The following ABLIM2 variants were observed in gnomAD, a reference collection of about 807,000 sequenced individuals.
The protein encoded by ABLIM2 is actin binding LIM protein family member 2.
ABLIM2 carries 53 observed loss-of-function variants against 97.7 expected under a neutral mutation model. The observed-to-expected ratio is 0.54, with a 90% CI of 0.44 to 0.68. ABLIM2 has a LOEUF of 0.68. Ranked by LOEUF, ABLIM2 falls within the 30% of genes least tolerant of loss-of-function variation. ABLIM2 has a pLI of 0.00. For missense variants in ABLIM2, 835 were observed against 867.2 expected (o/e 0.96, Z 0.47); for synonymous variants, 361 against 345.8 (o/e 1.04, Z -0.49).
chr4:8,037,285 C>G (rs866987956), intron 9 of ABLIM2, among the ~76,000 whole-genome samples: 2 of 151,808 alleles, frequency 1.3e-5, no homozygotes, highest in Non-Finnish European at 2.9e-5. Flanking sequence ...CACACACATA[C>G]GCACACATGC....
intron 11 of ABLIM2, among the ~76,000 whole-genome samples, chr4:8,028,604 C>G (rs990928591): frequency 1.1e-4 from 16 of 152,360 alleles, no homozygotes; most frequent in Admixed American, 9.8e-4. Context: ...TTCACTCACT[C>G]ACTCATTCCC....
intron 6 of ABLIM2, among the ~76,000 whole-genome samples, chr4:8,064,096 A>G (rs1177118801): frequency 2.6e-5 from 4 of 152,254 alleles, no homozygotes; most frequent in Admixed American, 6.5e-5. Flanking sequence ...TGCGTTAGAG[A>G]TAATAAAAAC....
rs73075919 is a variant in ABLIM2 at position 8,095,440 on chromosome 4, T to C, written c.338+1659A>G. Among the ~76,000 whole-genome samples the C allele has an allele frequency of 0.042, 6,342 of 152,254 alleles. 412 individuals carry two copies. The highest frequency in any genetic ancestry group is 0.14 in the African/African-American group (5,641 of 41,506). On this transcript the variant is annotated intron_variant, in intron 3 of 20. Coordinates refer to ENST00000447017, the MANE Select transcript of ABLIM2 (RefSeq NM_001130083.2). This position sits in a 1 kb window ranked among gnomAD's most constrained non-coding sequence, Gnocchi z 4.7. Reference sequence around the variant, plus strand: ...GTTTTGATTGGACACTGAACACTTATAAATTTTACGTTGTTGAATGCTGGA... The same window carrying C: ...GTTTTGATTGGACACTGAACACTTACAAATTTTACGTTGTTGAATGCTGGA...
rs1194991164 is a variant in ABLIM2 at position 8,148,152 on chromosome 4, G to A, written c.10+10528C>T. On this transcript the variant is annotated intron_variant, in intron 1 of 20. Coordinates refer to ENST00000447017, the MANE Select transcript of ABLIM2 (RefSeq NM_001130083.2). This position sits in a 1 kb window ranked among gnomAD's most constrained non-coding sequence, Gnocchi z 6.7. Reference sequence around the variant, plus strand: ...CCCCGGCAGAGAAGGGGTTTGGAGTGGCAGGAGGCAGGGGCAGAGGGAGAA... The same window carrying A: ...CCCCGGCAGAGAAGGGGTTTGGAGTAGCAGGAGGCAGGGGCAGAGGGAGAA... Among the ~76,000 whole-genome samples the A allele has an allele frequency of 3.3e-5, 5 of 152,222 alleles. No homozygotes were observed. Among genetic ancestry groups the A allele is most frequent in the African/African-American group, 2.4e-5 (1 of 41,458 alleles).
At chr4:8,106,065 CAGTGCTACTTCGGGT>C (rs1024778376) in intron 2 of ABLIM2, among the ~76,000 whole-genome samples, 1 of 152,202 alleles carries the variant, frequency 6.6e-6, no homozygotes, top group African/African-American at 2.4e-5. Context: ...GTAGTGTTCG[CAGTGCTACTTCGGGT>C]GGGGGTCCCC....
Position 7,998,617 on chromosome 4 carries a change from A to T in ABLIM2, c.1619-5690T>A, listed in dbSNP as rs762444980. On this transcript the variant is annotated intron_variant, in intron 16 of 20. Transcript: ENST00000447017. The surrounding 1 kb of genome is among the most constrained non-coding windows in gnomAD (Gnocchi z 6.4). ...CGGGGTGCCTGCTGGCCACCTGCCCATCTGCTAGTGTGGCTGCAGGAGGAA... is the reference window on the plus strand; with the variant it reads ...CGGGGTGCCTGCTGGCCACCTGCCCTTCTGCTAGTGTGGCTGCAGGAGGAA... 2.0e-6 allele frequency: 1 copy of T among 502,066 alleles called. No individual in the cohort carries two copies. The highest frequency in any genetic ancestry group is 2.0e-5 in the Admixed American group (1 of 49,438). The allele number at this position is 502,066 out of a possible 1,614,324, so 31.1% of individuals were successfully genotyped here. A position where few individuals can be genotyped will look rare whatever the true frequency, so the allele number is the denominator to read the frequency against.
At position 8,062,935 on chromosome 4, in the gene ABLIM2, T is replaced by A. The variant is rs372134475; in HGVS notation, c.676-1881A>T. Among the ~76,000 whole-genome samples, 202 of 152,264 alleles carry A rather than the reference T, an allele frequency of 1.3e-3. 2 individuals are homozygous for A. The highest frequency in any genetic ancestry group is 3.9e-3 in the African/African-American group (161 of 41,556). On this transcript the variant is annotated intron_variant, in intron 6 of 20. Coordinates refer to ENST00000447017, the MANE Select transcript of ABLIM2 (RefSeq NM_001130083.2). ...CAGGTGCCCCCACTTCACACTGACTTCCTCTAACAGCAGGAGTTCTGTGAC... is the reference window on the plus strand; with the variant it reads ...CAGGTGCCCCCACTTCACACTGACTACCTCTAACAGCAGGAGTTCTGTGAC...
rs1790779354 is a variant in ABLIM2 at position 8,044,376 on chromosome 4, C to T, written c.900+788G>A. 6.6e-6 allele frequency among the ~76,000 whole-genome samples: 1 copy of T among 151,508 alleles called. No homozygotes were observed. The highest frequency in any genetic ancestry group is 2.4e-5 in the African/African-American group (1 of 41,148). On this transcript the variant is annotated intron_variant, in intron 9 of 20. Coordinates refer to ENST00000447017, the MANE Select transcript of ABLIM2 (RefSeq NM_001130083.2). The surrounding 1 kb of genome is among the most constrained non-coding windows in gnomAD (Gnocchi z 4.4). ...CTCACCTGGCGCCTGGGGGTCCTCG[C>T]CTAGATAAGGAATTTTGGTATTTAC...
rs1167619987 is a variant in ABLIM2 at position 7,986,123 on chromosome 4, G to A, written c.1681-1230C>T. ...GGTCTCAAACGGGGTCAGGGCTCTC[G>A]GCCAGTGCTGCTGAAACTGGGTACA... On this transcript the variant is annotated intron_variant, in intron 17 of 20. Coordinates refer to ENST00000447017, the MANE Select transcript of ABLIM2 (RefSeq NM_001130083.2). This position sits in a 1 kb window ranked among gnomAD's most constrained non-coding sequence, Gnocchi z 4.3. Among the ~76,000 whole-genome samples the A allele has an allele frequency of 1.3e-5, 2 of 152,214 alleles. No individual in the cohort carries two copies. The highest frequency in any genetic ancestry group is 1.9e-4 in the East Asian group (1 of 5,202).
chr4:8,017,412 G>A (rs1770198877), intron 14 of ABLIM2, among the ~76,000 whole-genome samples: 2 of 151,276 alleles, frequency 1.3e-5, no homozygotes, highest in Non-Finnish European at 2.9e-5. Context: ...TCAGCCTCCC[G>A]AGTAGCTGGG....
At chr4:8,057,745 G>C (rs920760101) in intron 7 of ABLIM2, among the ~76,000 whole-genome samples, 1 of 152,222 alleles carries the variant, frequency 6.6e-6, no homozygotes, top group Non-Finnish European at 1.5e-5. Context: ...GTGGCATTGC[G>C]GGGGTTGGCC....
At chr4:8,060,560 G>A (rs937281147) in intron 7 of ABLIM2, among the ~76,000 whole-genome samples, 6 of 152,194 alleles carry the variant, frequency 3.9e-5, no homozygotes, top group Admixed American at 1.3e-4. Flanking sequence ...GCAGGCTGGG[G>A]TGGCTGGGGC....
chr4:7,976,315 CACCAGTCCACAA>C (rs1436839398), intron 20 of ABLIM2, among the ~76,000 whole-genome samples: 1 of 152,176 alleles, frequency 6.6e-6, no homozygotes, highest in African/African-American at 2.4e-5. Context: ...TTCTCACACT[CACCAGTCCACAA>C]ACAGTGTCCA....
rs1194669223 is a variant in ABLIM2, at chr4:8,113,930, A to T, written c.11-7293T>A. Among the ~76,000 whole-genome samples, 1 of 150,994 alleles carries T rather than the reference A, an allele frequency of 6.6e-6. No homozygotes were observed. The highest frequency in any genetic ancestry group is 1.5e-5 in the Non-Finnish European group (1 of 67,784). ...GAGGGGCACAGGGCTGTGTGCAGGC[A>T]CAGCAGGGAGATGAACCTGTGTACA... On this transcript the variant is annotated intron_variant, in intron 1 of 20. Transcript: ENST00000447017. The surrounding 1 kb of genome is among the most constrained non-coding windows in gnomAD (Gnocchi z 4.5).
chr4:8,033,173 C>G lies in ABLIM2; in HGVS notation c.1047+2976G>C, dbSNP rs1366545235. Among the ~76,000 whole-genome samples the G allele has an allele frequency of 6.6e-6, 1 of 152,212 alleles. No individual in the cohort carries two copies. The highest frequency in any genetic ancestry group is 1.5e-5 in the Non-Finnish European group (1 of 68,036). On this transcript the variant is annotated intron_variant, in intron 10 of 20. Transcript: ENST00000447017. The surrounding 1 kb of genome is among the most constrained non-coding windows in gnomAD (Gnocchi z 4.5). Reference sequence around the variant, plus strand: ...TAGACAGCAGGCTGACCCGTCTTCCCAGGCTGGCACCCCATCCACCACCAC... The same window carrying G: ...TAGACAGCAGGCTGACCCGTCTTCCGAGGCTGGCACCCCATCCACCACCAC...
At chr4:8,030,344 G>C (rs1293184107) in intron 10 of ABLIM2, among the ~76,000 whole-genome samples, 1 of 152,174 alleles carries the variant, frequency 6.6e-6, no homozygotes, top group African/African-American at 2.4e-5. Context: ...CAGGTGGTGT[G>C]GGGTGGCGTG....
chr4:8,029,746 A>T lies in ABLIM2; in HGVS notation c.1078T>A (p.Cys360Ser). 1.3e-6 allele frequency: 2 copies of T among 1,564,898 alleles called. No individual in the cohort carries two copies. Among genetic ancestry groups the T allele is most frequent in the Non-Finnish European group, 1.7e-6 (2 of 1,155,030 alleles). Residue 360 changes from cysteine to serine, a missense_variant, in exon 11 of 21, where the codon TGT becomes AGT. Cys to Ser is a moderately radical substitution (Grantham distance 112). Transcript: ENST00000447017. ...GTGGAGCTTGGGCTGGAGGTCCGAC[A>T]CTGCTTGTAGGACCGGTCATCCTGA... is the stretch of plus-strand genomic sequence containing the variant. ...GDQDDRSYKQ[C>S]RTSSPSSTGS...
chr4:8,033,744 C>A lies in ABLIM2; in HGVS notation c.1047+2405G>T, dbSNP rs947838963. ...AGGATCATCCATGGTTCACAGATGTCCTGCCATTTGAGAGGCGCAGCCCCA... is the reference window on the plus strand; with the variant it reads ...AGGATCATCCATGGTTCACAGATGTACTGCCATTTGAGAGGCGCAGCCCCA... On this transcript the variant is annotated intron_variant, in intron 10 of 20. Coordinates refer to ENST00000447017, the MANE Select transcript of ABLIM2 (RefSeq NM_001130083.2). This position sits in a 1 kb window ranked among gnomAD's most constrained non-coding sequence, Gnocchi z 4.5. 6.6e-6 allele frequency among the ~76,000 whole-genome samples: 1 copy of A among 152,238 alleles called. No homozygotes were observed.
chr4:8,143,169 G>T (rs952939712), intron 1 of ABLIM2, among the ~76,000 whole-genome samples: 4 of 148,962 alleles, frequency 2.7e-5, no homozygotes, highest in African/African-American at 9.9e-5. Context: ...TGGGGGGGGG[G>T]GGCGTCTGCA....
Sources: allele counts gnomAD v4.1 joint callset (sites outside exome capture counted in the v4.1 genomes callset), GRCh38; gene constraint gnomAD v4.1.1; non-coding constraint Gnocchi (gnomAD v3.1); transcripts MANE v1.5; gene names NCBI Gene and HGNC (gene_info 2026-07-23, HGNC 2026-07-21).